TUBGCP5: variants seen among roughly 807,000 people sequenced by gnomAD.
The protein encoded by TUBGCP5 is tubulin gamma complex component 5.
A neutral mutation model predicts 134.7 loss-of-function variants in TUBGCP5; 98 were observed. That is an observed-to-expected ratio of 0.73 (90% CI 0.62 to 0.86). The LOEUF is 0.86. Ranked by LOEUF, TUBGCP5 falls within the 40% of genes least tolerant of loss-of-function variation. The pLI is 0.00. For missense variants in TUBGCP5, 1,150 were observed against 1,244.8 expected, an observed-to-expected ratio of 0.92 and a Z score of 1.15; for synonymous variants, 456 against 431.4, an observed-to-expected ratio of 1.06 and a Z score of -0.71.
chr15:23,009,250 T>C (rs979588071), intron 15 of TUBGCP5, among the ~76,000 whole-genome samples: 1 of 151,692 alleles, frequency 6.6e-6, no homozygotes, highest in African/African-American at 2.4e-5. Flanking sequence ...CCGTATTATA[T>C]CTCCTGCTTT....
downstream of TUBGCP5, among the ~76,000 whole-genome samples, chr15:22,998,264 G>A (rs748274659): frequency 3.5e-4 from 54 of 152,204 alleles, no homozygotes; most frequent in Middle Eastern, 0.017. Flanking sequence ...GTAGTGAGCC[G>A]AGATCGTGCT....
At chr15:23,016,094 A>G (rs1256285660) in intron 13 of TUBGCP5, among the ~76,000 whole-genome samples, 2 of 152,258 alleles carry the variant, frequency 1.3e-5, no homozygotes, top group Non-Finnish European at 2.9e-5. Flanking sequence ...TCGGTGAGAT[A>G]CAAGACAGTA....
chr15:23,005,942 A>ACTT (rs36105866), intron 18 of TUBGCP5, 110 bp downstream of exon 18: 406,366 of 1,096,530 alleles, frequency 0.37, 36,588 homozygotes, highest in African/African-American at 0.6. Flanking sequence ...ACAACCACCA[A>ACTT]CTTTTTTTTT....
chr15:22,989,268 A>G (rs767137297), intron 23 of TUBGCP5, among the ~76,000 whole-genome samples: 2 of 152,224 alleles, frequency 1.3e-5, no homozygotes, highest in Non-Finnish European at 2.9e-5. Flanking sequence ...TGTCTCAGGA[A>G]GCTGGAGCTC....
At chr15:23,038,922 G>A (rs746245723) in intron 1 of TUBGCP5, among the ~76,000 whole-genome samples, 1 of 152,090 alleles carries the variant, frequency 6.6e-6, no homozygotes, top group African/African-American at 2.4e-5. Context: ...AGTAATGACA[G>A]GTTAAATCAG....
Position 23,024,741 on chromosome 15 carries a change from G to A in TUBGCP5, c.917C>T (p.Thr306Ile), listed in dbSNP as rs1428919279. Reference sequence around the variant, plus strand: ...CCATAAATACAAATAACTTACATGTGTTAAATGAGTTACTATAATATTGTT... The same window carrying A: ...CCATAAATACAAATAACTTACATGTATTAAATGAGTTACTATAATATTGTT... Reference protein sequence around the residue: ...VRNNIIVTHLTHSCLRSVLEQ... With the variant: ...VRNNIIVTHLIHSCLRSVLEQ... The change falls in exon 9 of 23, where the codon ACA becomes ATA. Residue 306 changes from threonine to isoleucine, a missense_variant. Physicochemically the swap from Thr to Ile is moderately conservative, Grantham distance 89. Coordinates refer to ENST00000615383, the MANE Select transcript of TUBGCP5 (RefSeq NM_052903.6). The A allele has an allele frequency of 6.8e-7, 1 of 1,472,776 alleles. No homozygotes were observed. The highest frequency in any genetic ancestry group is 1.2e-5 in the South Asian group (1 of 82,160). The allele number at this position is 1,472,776 out of a possible 1,614,324, so 91.2% of individuals were successfully genotyped here.
At chr15:22,999,128 A>G (rs1300926936), downstream of TUBGCP5, 1 of 152,196 alleles carries the variant, frequency 6.6e-6, no homozygotes, top group South Asian at 2.1e-4. Flanking sequence ...GTAAAACTCT[A>G]TATAAAAAGC....
intron 23 of TUBGCP5, among the ~76,000 whole-genome samples, chr15:22,992,615 G>C (rs2063884593): frequency 6.6e-6 from 1 of 152,144 alleles, no homozygotes; most frequent in Admixed American, 6.5e-5. Context: ...GCATGGCTCT[G>C]GGACCAGGGT....
rs532926334 is a variant in TUBGCP5 at position 23,037,027 on chromosome 15, T to C, written c.201-22A>G. On this transcript the variant is annotated intron_variant, in intron 2 of 22. Transcript: ENST00000615383. ...AATTCTAAAATATAAGAAAAGATTA[T>C]AAAGCTATCTTAAAAAGATCTATAA... The C allele has an allele frequency of 6.3e-6, 10 of 1,594,758 alleles. No individual in the cohort carries two copies. In the South Asian group the frequency reaches 9.2e-5, roughly 15 times the overall value.
intron 23 of TUBGCP5, among the ~76,000 whole-genome samples, chr15:22,990,932 T>C (rs550249752): frequency 2.0e-5 from 3 of 152,094 alleles, no homozygotes; most frequent in African/African-American, 4.8e-5. Flanking sequence ...CCCCAGAAAC[T>C]GGGGAGGCAA....
At position 23,005,440 on chromosome 15, in the gene TUBGCP5, T is replaced by C. The variant is rs1391112287; in HGVS notation, c.2704A>G (p.Met902Val). ...ATGGGAGAGGCACAAACCCTGGTCATGATGTAGTTGTGCAAGCTGTTCACG... is the reference window on the plus strand; with the variant it reads ...ATGGGAGAGGCACAAACCCTGGTCACGATGTAGTTGTGCAAGCTGTTCACG... ...HFVNSLHNYI[M>V]TRILHSTGLE... The change falls in exon 19 of 23, where the codon ATG (methionine) becomes GTG (valine). Residue 902 changes from methionine to valine, a missense_variant. Coordinates refer to ENST00000615383, the MANE Select transcript of TUBGCP5 (RefSeq NM_052903.6). 1 of 1,613,980 alleles carries C rather than the reference T, an allele frequency of 6.2e-7. No individual in the cohort carries two copies. Among genetic ancestry groups the C allele is most frequent in the Admixed American group, 1.7e-5 (1 of 60,000 alleles).
At chr15:22,994,944 T>C (rs115594296), downstream of TUBGCP5, among the ~76,000 whole-genome samples, 1,638 of 152,060 alleles carry the variant, frequency 0.011, 35 homozygotes, top group African/African-American at 0.037. Context: ...CGAGACCCCA[T>C]CTATATTTTA....
At chr15:22,994,266 T>C (rs962202994), downstream of TUBGCP5, among the ~76,000 whole-genome samples, 2 of 151,954 alleles carry the variant, frequency 1.3e-5, no homozygotes, top group African/African-American at 4.8e-5. Flanking sequence ...TGTTTTGTAT[T>C]TTTAGTAGAG....
chr15:23,033,158 A>G (rs2066407116), intron 3 of TUBGCP5, among the ~76,000 whole-genome samples: 1 of 152,210 alleles, frequency 6.6e-6, no homozygotes, highest in South Asian at 2.1e-4. Flanking sequence ...AATATGTATC[A>G]TGAAGGTTAA....
At chr15:23,026,391 A>T (rs1268762465) in intron 7 of TUBGCP5, among the ~76,000 whole-genome samples, 186 bp from the exon 8 acceptor site, 2 of 152,208 alleles carry the variant, frequency 1.3e-5, no homozygotes, top group Non-Finnish European at 2.9e-5. Flanking sequence ...CACTTTCAGA[A>T]CAATTACAAT....
At chr15:22,984,017 G>A (rs1022492687) in intron 23 of TUBGCP5, among the ~76,000 whole-genome samples, 3 of 152,120 alleles carry the variant, frequency 2.0e-5, no homozygotes, top group African/African-American at 4.8e-5. Flanking sequence ...CTACCACTGA[G>A]GCTGAGGCAG....
At position 23,032,820 on chromosome 15, in the gene TUBGCP5, T is replaced by C. The variant is rs1452117943; in HGVS notation, c.314A>G (p.Asp105Gly). The change falls in exon 4 of 23, where the codon GAT (aspartate) becomes GGT (glycine). Residue 105 changes from aspartate to glycine, a missense_variant. By Grantham distance (94) the Asp-to-Gly change is moderately conservative (BLOSUM62 -1). Transcript: ENST00000615383. ...PLPSIKEIKT[D>G]AHYSILSLLL... ...AAGTGACAGTATGGAATAATGTGCA[T>C]CTGTCTTTAAAACAAAAAAAAGAAC... 3 of 1,565,478 alleles carry C rather than the reference T, an allele frequency of 1.9e-6. No homozygotes were observed. The highest frequency in any genetic ancestry group is 2.3e-5 in the East Asian group (1 of 42,640).
intron 11 of TUBGCP5, among the ~76,000 whole-genome samples, chr15:23,020,982 G>A (rs1023355777): frequency 2.6e-5 from 4 of 152,016 alleles, no homozygotes; most frequent in East Asian, 1.9e-4. Context: ...GCATCCTCCC[G>A]GGTTCAAGCA....
rs907341989 is a variant in TUBGCP5, at chr15:23,025,995, C to T, written c.827+121G>A. ...ACAGTCAAATCTGGTCCGAACTTCA[C>T]ACCTAATGGACCTTTTCTAGTTTGC... On this transcript the variant is annotated intron_variant, in intron 8 of 22. Coordinates refer to ENST00000615383, the MANE Select transcript of TUBGCP5 (RefSeq NM_052903.6). The T allele has an allele frequency of 1.0e-5, 7 of 688,684 alleles. No individual in the cohort carries two copies. In the African/African-American group the frequency reaches 1.1e-4, roughly 11 times the overall value. 42.7% of individuals were successfully genotyped at this position (688,684 alleles called of 1,614,324 possible). A position where few individuals can be genotyped will look rare whatever the true frequency, so the allele number is the denominator to read the frequency against.
Sources: gnomAD v4.1 joint callset for allele counts (sites outside exome capture counted in the v4.1 genomes callset) on GRCh38, gnomAD v4.1.1 for gene constraint, MANE v1.5 for transcripts, NCBI Gene and HGNC (gene_info 2026-07-23, HGNC 2026-07-21) for gene names.